Variants in ADPGK observed in about 807,000 individuals in gnomAD.
ADPGK encodes ADP-dependent glucokinase.
ADPGK carries 26 observed loss-of-function variants against 42.4 expected under a neutral mutation model. The ratio of observed to expected loss-of-function variants is 0.61; its 90% CI spans 0.45 to 0.85. The LOEUF (loss-of-function observed/expected upper bound fraction) is 0.85, where lower values mean the gene tolerates loss of function less well. Ranked by LOEUF, ADPGK falls within the 40% of genes least tolerant of loss-of-function variation. The pLI is 0.00. For synonymous variants in ADPGK, 267 were observed against 252.6 expected, an observed-to-expected ratio of 1.06 and a Z score of -0.54; for missense variants, 571 against 627.0, an observed-to-expected ratio of 0.91 and a Z score of 0.95.
rs192829153 is a variant in ADPGK at position 72,772,998 on chromosome 15, G to A, written c.460-1153C>T. Reference sequence around the variant, plus strand: ...CCCAGCTTCCTAGTCCTCAGCCCACGCAGAGGCATAGACTAAACCAGGGGT... The same window carrying A: ...CCCAGCTTCCTAGTCCTCAGCCCACACAGAGGCATAGACTAAACCAGGGGT... On this transcript the variant is annotated intron_variant, in intron 2 of 6. Coordinates refer to ENST00000456471, the MANE Select transcript of ADPGK (RefSeq NM_001365225.1). 2.9e-3 allele frequency among the ~76,000 whole-genome samples: 448 copies of A among 152,218 alleles called. 7 individuals are homozygous for A. The highest frequency in any genetic ancestry group is 1.9e-3 in the East Asian group (10 of 5,168).
Position 72,771,773 on chromosome 15 carries a change from CTT to C in ADPGK, c.522+8_522+9del, listed in dbSNP as rs764548351. ...AAAGGCATAGGTTTTAATCTAAAAA[CTT>C]GACCTACCTTTAAATCTGAGTTGGC... is the stretch of plus-strand genomic sequence containing the variant. On this transcript the variant is annotated splice_region_variant and intron_variant, in intron 3 of 6. Transcript: ENST00000456471. The C allele has an allele frequency of 1.2e-6, 2 of 1,610,386 alleles. No homozygotes were observed. Among genetic ancestry groups the C allele is most frequent in the African/African-American group, 2.7e-5 (2 of 74,714 alleles).
At chr15:72,775,688 C>A (rs748550141) in intron 1 of ADPGK, among the ~76,000 whole-genome samples, 1 of 152,200 alleles carries the variant, frequency 6.6e-6, no homozygotes, top group Non-Finnish European at 1.5e-5. Flanking sequence ...TGCCTGAGTA[C>A]TCCCAGCTGA....
intron 2 of ADPGK, among the ~76,000 whole-genome samples, chr15:72,772,793 T>C (rs2066344514): frequency 6.6e-6 from 1 of 152,162 alleles, no homozygotes. Context: ...GACAGTACTT[T>C]CCCTTAAACA....
intron 2 of ADPGK, among the ~76,000 whole-genome samples, chr15:72,772,213 C>A (rs547108325): frequency 6.6e-6 from 1 of 152,172 alleles, no homozygotes; most frequent in African/African-American, 2.4e-5. Context: ...GTGGAAAAAT[C>A]ATTCAGTAGA....
chr15:72,760,503 G>T lies in ADPGK; in HGVS notation c.547C>A (p.Pro183Thr). Residue 183 changes from proline (P) to threonine (T), a missense_variant, in exon 4 of 7, where the codon CCA becomes ACA. Around this residue, in one of 2 missense-constraint regions of ADPGK, gnomAD observed 434 missense variants for 522.7 expected, o/e 0.83. Transcript: ENST00000456471. The part of the protein sequence containing the change: ...LKVLLCGPVG[P>T]KLHELLDDNV... ...TCATCAAGAAGCTCATGTAGCTTTG[G>T]ACCAACTGGACCGCAAAGAAGAACC... 2 of 1,606,998 alleles carry T rather than the reference G, an allele frequency of 1.2e-6. No homozygotes were observed. Among genetic ancestry groups the T allele is most frequent in the South Asian group, 2.2e-5 (2 of 90,648 alleles).
intron 3 of ADPGK, among the ~76,000 whole-genome samples, chr15:72,764,721 A>G (rs1039809209): frequency 6.6e-5 from 10 of 152,306 alleles, no homozygotes; most frequent in Middle Eastern, 6.8e-3. Flanking sequence ...TTATTGTAAG[A>G]AGATGCCATC....
intron 4 of ADPGK, chr15:72,757,860 C>G (rs1014832177): frequency 2.1e-6 from 1 of 483,790 alleles, no homozygotes; most frequent in Non-Finnish European, 3.7e-6. Flanking sequence ...GAGAAAGGAG[C>G]CACACTGTAT....
intron 3 of ADPGK, among the ~76,000 whole-genome samples, chr15:72,768,638 C>T (rs1389640055): frequency 1.3e-5 from 2 of 151,742 alleles, no homozygotes; most frequent in South Asian, 4.2e-4. Context: ...CACTGCACTC[C>T]AGTCTGGGCA....
chr15:72,783,264 C>T, intron 1 of ADPGK, 195 bp downstream of exon 1: 1 of 1,244,644 alleles, frequency 8.0e-7, no homozygotes, highest in Non-Finnish European at 1.0e-6. Flanking sequence ...GAGAAAGGCG[C>T]AGAGGCCAGC....
At chr15:72,781,311 C>A (rs1356391119) in intron 1 of ADPGK, among the ~76,000 whole-genome samples, 3 of 152,174 alleles carry the variant, frequency 2.0e-5, no homozygotes, top group African/African-American at 4.8e-5. Context: ...CCATAAAAGG[C>A]CCTTCACAAT....
chr15:72,768,567 CT>C (rs1362826129), intron 3 of ADPGK, among the ~76,000 whole-genome samples: 1 of 152,016 alleles, frequency 6.6e-6, no homozygotes, highest in African/African-American at 2.4e-5. Flanking sequence ...ACTCGGGAGG[CT>C]GAGGCATGAG....
At position 72,783,548 on chromosome 15, in the gene ADPGK, C is replaced by G; in HGVS notation, c.144G>C (p.Pro48=). ...ACCGGCCCTCGGGGGAGACGGGTCC[C>G]GGGGGCGCAGGCGCGGGCCCCAGAC... is the stretch of plus-strand genomic sequence containing the variant. ...SLCLGPAPAP[P]GPVSPEGRLA... Residue 48 remains proline, a synonymous_variant, in exon 1 of 7, where the codon CCG becomes CCC. Transcript: ENST00000456471. 6.7e-7 allele frequency: 1 copy of G among 1,497,174 alleles called. No homozygotes were observed. Among genetic ancestry groups the G allele is most frequent in the Non-Finnish European group, 8.8e-7 (1 of 1,130,594 alleles). The allele number at this position is 1,497,174 out of a possible 1,614,324, so 92.7% of individuals were successfully genotyped here.
chr15:72,772,044 G>A (rs1238924185), intron 2 of ADPGK, among the ~76,000 whole-genome samples, 199 bp from the exon 3 acceptor site: 1 of 152,270 alleles, frequency 6.6e-6, no homozygotes, highest in Admixed American at 6.5e-5. Context: ...AAAATAAATA[G>A]GACAACCATG....
intron 4 of ADPGK, among the ~76,000 whole-genome samples, chr15:72,759,732 G>A (rs2066168737): frequency 6.6e-6 from 1 of 152,122 alleles, no homozygotes. Flanking sequence ...TCTGAGCAGA[G>A]GGAAAATTAC....
chr15:72,754,899 T>C (rs1330132793), intron 6 of ADPGK, among the ~76,000 whole-genome samples: 1 of 152,180 alleles, frequency 6.6e-6, no homozygotes, highest in African/African-American at 2.4e-5. Context: ...AAAAGAACTC[T>C]GGAAATAAAC....
chr15:72,769,070 A>G (rs949341914), intron 3 of ADPGK, among the ~76,000 whole-genome samples: 3 of 152,208 alleles, frequency 2.0e-5, no homozygotes, highest in African/African-American at 4.8e-5. Flanking sequence ...ACATTACAAG[A>G]AAAGAAAAAT....
chr15:72,778,951 C>G (rs1438312954), intron 1 of ADPGK, among the ~76,000 whole-genome samples: 2 of 152,144 alleles, frequency 1.3e-5, no homozygotes, highest in Non-Finnish European at 2.9e-5. Flanking sequence ...GGTAAGATCG[C>G]TAATTAGTCA....
chr15:72,756,037 A>T (rs1026069940), intron 5 of ADPGK: 7 of 700,996 alleles, frequency 1.0e-5, no homozygotes, highest in South Asian at 6.0e-5. Flanking sequence ...TCAGGCAAGA[A>T]GATGTTCTGC....
intron 3 of ADPGK, 27 bp from the exon 4 acceptor site, chr15:72,760,554 C>T: frequency 6.3e-7 from 1 of 1,586,638 alleles, no homozygotes. Context: ...CGAAGTCCAT[C>T]AGGAGCCCCG....
Sources: gnomAD v4.1 joint callset for allele counts (sites outside exome capture counted in the v4.1 genomes callset) on GRCh38, gnomAD v4.1.1 for gene constraint, gnomAD v4.1.1 regional missense constraint, MANE v1.5 for transcripts, NCBI Gene and HGNC (gene_info 2026-07-23, HGNC 2026-07-21) for gene names.